PTPRD: variants seen among roughly 807,000 people sequenced by gnomAD.
PTPRD encodes the protein protein tyrosine phosphatase receptor type D.
PTPRD carries 34 observed loss-of-function variants against 214.5 expected under a neutral mutation model. That is an observed-to-expected ratio of 0.16 (90% CI 0.12 to 0.21). The LOEUF (loss-of-function observed/expected upper bound fraction) is 0.21. Ranked by LOEUF, PTPRD falls within the 10% of genes least tolerant of loss-of-function variation. PTPRD has a pLI of 1.00. For missense variants in PTPRD, 2,545 were observed against 2,398.7 expected, an observed-to-expected ratio of 1.06 and a Z score of -1.27; for synonymous variants, 1,128 against 845.7, an observed-to-expected ratio of 1.33 and a Z score of -5.79.
intron 5 of PTPRD, among the ~76,000 whole-genome samples, chr9:9,869,861 A>C (rs1163413655): frequency 6.6e-6 from 1 of 152,060 alleles, no homozygotes; most frequent in African/African-American, 2.4e-5. Context: ...CCAACTGTAA[A>C]AATACAGCAG....
At chr9:10,493,542 C>G (rs1207371198) in intron 2 of PTPRD, among the ~76,000 whole-genome samples, 1 of 151,988 alleles carries the variant, frequency 6.6e-6, no homozygotes, top group African/African-American at 2.4e-5. Context: ...AATTGGCTAG[C>G]CATATGCAGA....
intron 12 of PTPRD, among the ~76,000 whole-genome samples, chr9:8,646,802 G>C (rs762308103): frequency 6.6e-6 from 1 of 152,118 alleles, no homozygotes; most frequent in Non-Finnish European, 1.5e-5. Flanking sequence ...CATCTATGAA[G>C]TCTTATAACT....
chr9:8,603,353 C>G (rs1057498780), intron 14 of PTPRD, among the ~76,000 whole-genome samples: 1 of 152,070 alleles, frequency 6.6e-6, no homozygotes, highest in African/African-American at 2.4e-5. Flanking sequence ...TTATATTGTA[C>G]TTAGACAACA....
intron 32 of PTPRD, among the ~76,000 whole-genome samples, chr9:8,465,244 G>A (rs941981597): frequency 6.6e-6 from 1 of 151,748 alleles, no homozygotes; most frequent in Non-Finnish European, 1.5e-5. Context: ...TAAACTAGAG[G>A]GCCACCTAAA....
intron 3 of PTPRD, among the ~76,000 whole-genome samples, chr9:10,139,259 A>C (rs1592145002): frequency 6.6e-6 from 1 of 151,058 alleles, no homozygotes. Context: ...GAGACAAATT[A>C]AGAATGCAAA....
chr9:8,820,032 T>A (rs2097017502), intron 11 of PTPRD, among the ~76,000 whole-genome samples: 1 of 152,170 alleles, frequency 6.6e-6, no homozygotes, highest in Non-Finnish European at 1.5e-5. Flanking sequence ...GAGGCAACAT[T>A]TCAGACATTC....
At chr9:9,102,504 G>A (rs372600933) in intron 10 of PTPRD, among the ~76,000 whole-genome samples, 5 of 152,198 alleles carry the variant, frequency 3.3e-5, no homozygotes, top group Non-Finnish European at 5.9e-5. Context: ...GCGTTCAGAA[G>A]CATGTAAGCC....
chr9:9,574,519 A>C (rs1254138039), intron 8 of PTPRD, among the ~76,000 whole-genome samples: 1 of 152,072 alleles, frequency 6.6e-6, no homozygotes, highest in South Asian at 2.1e-4. Flanking sequence ...ATTTACATAG[A>C]AATCTATCAA....
intron 14 of PTPRD, among the ~76,000 whole-genome samples, chr9:8,542,006 T>C (rs905377853): frequency 6.6e-6 from 1 of 152,056 alleles, no homozygotes; most frequent in African/African-American, 2.4e-5. Flanking sequence ...TCCCTTATCT[T>C]TTGCAACTAG....
At chr9:10,149,808 G>A (rs1235695978) in intron 3 of PTPRD, among the ~76,000 whole-genome samples, 1 of 148,864 alleles carries the variant, frequency 6.7e-6, no homozygotes, top group Non-Finnish European at 1.5e-5. Flanking sequence ...TTGGCTCCTT[G>A]CAACCTTTGC....
At chr9:10,485,575 C>G (rs984254153) in intron 2 of PTPRD, among the ~76,000 whole-genome samples, 2 of 151,954 alleles carry the variant, frequency 1.3e-5, no homozygotes, top group African/African-American at 4.8e-5. Context: ...GCATCTTTCA[C>G]TTCTTTGGTT....
chr9:9,067,999 C>T (rs2099737600), intron 10 of PTPRD, among the ~76,000 whole-genome samples: 1 of 152,190 alleles, frequency 6.6e-6, no homozygotes, highest in Non-Finnish European at 1.5e-5. Context: ...TCCCGGCTAC[C>T]AGTTCCTAAT....
intron 11 of PTPRD, among the ~76,000 whole-genome samples, chr9:8,928,942 T>C (rs566140867): frequency 6.6e-6 from 1 of 152,310 alleles, no homozygotes; most frequent in East Asian, 1.9e-4. Flanking sequence ...TATTTTATTC[T>C]CTTTGTAGCA....
At chr9:10,058,175 T>G (rs145738208) in intron 3 of PTPRD, among the ~76,000 whole-genome samples, 2 of 152,044 alleles carry the variant, frequency 1.3e-5, no homozygotes, top group African/African-American at 2.4e-5. Flanking sequence ...GTGATTCTCA[T>G]TGAGAAAACA....
chr9:9,134,362 C>G (rs375876138), intron 10 of PTPRD, among the ~76,000 whole-genome samples: 1 of 136,834 alleles, frequency 7.3e-6, no homozygotes, highest in Non-Finnish European at 1.5e-5. Flanking sequence ...CGTGAGCCAC[C>G]GCGCCCGTAG....
At chr9:9,321,526 G>C (rs1966516918) in intron 9 of PTPRD, among the ~76,000 whole-genome samples, 1 of 147,850 alleles carries the variant, frequency 6.8e-6, no homozygotes, top group South Asian at 2.2e-4. Flanking sequence ...TTGCACCCCA[G>C]CCTGGGCAAC....
intron 11 of PTPRD, among the ~76,000 whole-genome samples, chr9:9,007,311 C>T (rs1017778068): frequency 1.3e-5 from 2 of 150,620 alleles, no homozygotes; most frequent in African/African-American, 4.9e-5. Flanking sequence ...TGACTTTGTG[C>T]TAACTGGTAG....
At chr9:9,919,691 T>G (rs1345112209) in intron 5 of PTPRD, among the ~76,000 whole-genome samples, 1 of 151,850 alleles carries the variant, frequency 6.6e-6, no homozygotes, top group Non-Finnish European at 1.5e-5. Flanking sequence ...AAGTTGGGAG[T>G]TCTCATAAAT....
chr9:8,636,536 T>C (rs867320981), intron 13 of PTPRD, among the ~76,000 whole-genome samples, 163 bp downstream of exon 13: 25 of 152,172 alleles, frequency 1.6e-4, no homozygotes, highest in African/African-American at 5.8e-4. Flanking sequence ...AAATTTCCTT[T>C]TTTAAAAAGC....
Sources: gnomAD v4.1 joint callset for allele counts (sites outside exome capture counted in the v4.1 genomes callset) on GRCh38, gnomAD v4.1.1 for gene constraint, MANE v1.5 for transcripts, NCBI Gene and HGNC (gene_info 2026-07-23, HGNC 2026-07-21) for gene names.